SPECC1: variants seen among roughly 807,000 people sequenced by gnomAD.
The protein encoded by SPECC1 is cytospin-B.
A neutral mutation model predicts 104.1 loss-of-function variants in SPECC1; 62 were observed. That is an observed-to-expected ratio of 0.60 (90% CI 0.49 to 0.74). The LOEUF is 0.74. Among genes scored for constraint, SPECC1 ranks in the 30% least tolerant of loss-of-function variants. The pLI, the probability that SPECC1 is intolerant of heterozygous loss-of-function variation, is 0.00. For missense variants in SPECC1, 1,306 were observed against 1,310.5 expected (o/e 1.00, Z 0.05); for synonymous variants, 513 against 501.6 (o/e 1.02, Z -0.30).
At chr17:20,021,550 C>T (rs1255939476) in intron 1 of SPECC1, among the ~76,000 whole-genome samples, 11 of 151,710 alleles carry the variant, frequency 7.3e-5, no homozygotes. Context: ...GTAGGACTGC[C>T]TGGTCGTGGT....
chr17:20,222,817 T>G (rs1216661218), intron 4 of SPECC1, among the ~76,000 whole-genome samples: 1 of 152,168 alleles, frequency 6.6e-6, no homozygotes, highest in East Asian at 1.9e-4. Flanking sequence ...ATTTCTTAGG[T>G]TTTGTTTGTC....
At chr17:20,147,232 C>T (rs145924732) in intron 3 of SPECC1, among the ~76,000 whole-genome samples, 1,558 of 151,998 alleles carry the variant, frequency 0.01, 25 homozygotes, top group African/African-American at 0.035. Flanking sequence ...CCACCATGCC[C>T]GGCTAATTTT....
intron 1 of SPECC1, among the ~76,000 whole-genome samples, chr17:20,065,423 G>A (rs955252719): frequency 2.0e-5 from 3 of 152,212 alleles, no homozygotes; most frequent in African/African-American, 7.2e-5. Flanking sequence ...TGCTGGAGCA[G>A]CTCACAAAAC....
chr17:20,114,464 A>G (rs1190642506), intron 3 of SPECC1, among the ~76,000 whole-genome samples: 1 of 151,262 alleles, frequency 6.6e-6, no homozygotes, highest in Non-Finnish European at 1.5e-5. Flanking sequence ...TGCTGAGATT[A>G]CAGGCGTGAG....
intron 12 of SPECC1, among the ~76,000 whole-genome samples, chr17:20,272,150 AT>A (rs2040430595): frequency 6.6e-6 from 1 of 151,464 alleles, no homozygotes; most frequent in South Asian, 2.1e-4. Context: ...TCATGACTTT[AT>A]TTTCTGGAAT....
chr17:20,174,050 A>T (rs187743709), intron 3 of SPECC1, among the ~76,000 whole-genome samples: 3 of 151,482 alleles, frequency 2.0e-5, no homozygotes, highest in African/African-American at 7.3e-5. Flanking sequence ...CTCCTGCTCA[A>T]CCTCCCAAGT....
At chr17:20,149,350 G>A (rs937045371) in intron 3 of SPECC1, among the ~76,000 whole-genome samples, 1 of 152,136 alleles carries the variant, frequency 6.6e-6, no homozygotes, top group African/African-American at 2.4e-5. Context: ...CTTGGATTTC[G>A]GAAGGGTTCC....
At chr17:20,083,751 A>G (rs532403966) in intron 1 of SPECC1, among the ~76,000 whole-genome samples, 11 of 152,338 alleles carry the variant, frequency 7.2e-5, no homozygotes, top group African/African-American at 2.4e-4. Context: ...CTCTTGGATA[A>G]ATACTGAAGA....
intron 3 of SPECC1, among the ~76,000 whole-genome samples, chr17:20,182,390 A>G (rs2034970314): frequency 6.6e-6 from 1 of 152,236 alleles, no homozygotes; most frequent in Non-Finnish European, 1.5e-5. Context: ...TGCTAGGATT[A>G]CAGGCATGAC....
chr17:20,312,019 A>G (rs1041650707), intron 14 of SPECC1, among the ~76,000 whole-genome samples: 1 of 152,170 alleles, frequency 6.6e-6, no homozygotes, highest in African/African-American at 2.4e-5. Flanking sequence ...ATCATGATGT[A>G]TTATACTTTT....
rs2046974565 is a variant in SPECC1, at chr17:20,081,562, C to T, written c.-21-15069C>T. Among the ~76,000 whole-genome samples, 3 of 152,098 alleles carry T rather than the reference C, an allele frequency of 2.0e-5. No individual in the cohort carries two copies. The South Asian group carries it at 6.2e-4, about 32-fold the overall frequency. On this transcript the variant is annotated intron_variant, in intron 1 of 14. Transcript: ENST00000395527. ...GAGCAGAGGAGTGATGGGATCTGACCTACATTGCTAAAGGATCATTGTGGT... is the reference window on the plus strand; with the variant it reads ...GAGCAGAGGAGTGATGGGATCTGACTTACATTGCTAAAGGATCATTGTGGT...
chr17:20,120,729 G>A (rs2048986767), intron 3 of SPECC1, among the ~76,000 whole-genome samples: 2 of 152,074 alleles, frequency 1.3e-5, no homozygotes, highest in South Asian at 4.1e-4. Context: ...AAAGATTTTT[G>A]TCATGAAATT....
chr17:20,199,209 C>T (rs1179268160), intron 3 of SPECC1, among the ~76,000 whole-genome samples: 1 of 150,674 alleles, frequency 6.6e-6, no homozygotes, highest in African/African-American at 2.4e-5. Flanking sequence ...GCCTCAGCCT[C>T]CCAAGTAGCT....
chr17:20,287,369 A>G (rs533131068), intron 12 of SPECC1, among the ~76,000 whole-genome samples: 17 of 138,276 alleles, frequency 1.2e-4, no homozygotes, highest in Admixed American at 1.0e-3. Flanking sequence ...GTGAGCCGAG[A>G]TTGCGCCACT....
At chr17:20,239,926 C>G (rs1222634658) in intron 7 of SPECC1, among the ~76,000 whole-genome samples, 2 of 114,490 alleles carry the variant, frequency 1.7e-5, no homozygotes, top group Non-Finnish European at 3.3e-5. Flanking sequence ...CAGGGCCTCA[C>G]TCTGTCACCT....
chr17:20,250,800 T>G (rs542690249), intron 9 of SPECC1, among the ~76,000 whole-genome samples: 1 of 152,336 alleles, frequency 6.6e-6, no homozygotes, highest in East Asian at 1.9e-4. Flanking sequence ...GCAAAAATCC[T>G]GAACAAAATC....
intron 3 of SPECC1, among the ~76,000 whole-genome samples, chr17:20,170,271 G>A (rs1412195731): frequency 6.6e-6 from 1 of 152,192 alleles, no homozygotes; most frequent in African/African-American, 2.4e-5. Context: ...CCAACACTCT[G>A]CAGAGTCCTT....
chr17:20,306,956 G>A (rs202194174), intron 14 of SPECC1, among the ~76,000 whole-genome samples: 1 of 150,428 alleles, frequency 6.6e-6, no homozygotes, highest in Non-Finnish European at 1.5e-5. Flanking sequence ...AAACATGAAA[G>A]AGATAAAAGG....
At chr17:20,156,278 A>AT (rs568249533) in intron 3 of SPECC1, 1 of 1,314,514 alleles carries the variant, frequency 7.6e-7, no homozygotes, top group Non-Finnish European at 9.8e-7. Context: ...CCGCAACCCC[A>AT]CCCCCCCTCC....
Sources: allele counts gnomAD v4.1 joint callset (sites outside exome capture counted in the v4.1 genomes callset), GRCh38; gene constraint gnomAD v4.1.1; transcripts MANE v1.5; gene names NCBI Gene and HGNC (gene_info 2026-07-23, HGNC 2026-07-21).